The following RTN1 variants were observed in gnomAD, a reference collection of about 807,000 sequenced individuals.
RTN1 encodes reticulon-1.
In RTN1, 25 loss-of-function variants were observed where a neutral mutation model predicts 65.5. The observed-to-expected ratio is 0.38, with a 90% CI of 0.28 to 0.53. The LOEUF is 0.53. RTN1 is among the 20% of genes least tolerant of loss of function. The probability of loss-of-function intolerance (pLI) is 0.79; values close to 1 mark genes in which losing one functional copy is unlikely to be tolerated. For synonymous variants in RTN1, 471 were observed against 447.6 expected, an observed-to-expected ratio of 1.05 and a Z score of -0.66; for missense variants, 983 against 1,025.4, an observed-to-expected ratio of 0.96 and a Z score of 0.57.
chr14:59,706,738 C>T (rs979394353), intron 3 of RTN1, among the ~76,000 whole-genome samples: 2 of 152,136 alleles, frequency 1.3e-5, no homozygotes, highest in East Asian at 3.8e-4. Context: ...TAGTAATCTC[C>T]GTGATGCTCA....
chr14:59,679,310 C>G (rs1883695645), intron 3 of RTN1, among the ~76,000 whole-genome samples: 2 of 152,308 alleles, frequency 1.3e-5, no homozygotes, highest in South Asian at 4.1e-4. Context: ...ATTAAACAAA[C>G]AGAGCCACCA....
At chr14:59,827,455 T>A (rs116429836) in intron 1 of RTN1, among the ~76,000 whole-genome samples, 1,841 of 152,268 alleles carry the variant, frequency 0.012, 34 homozygotes, top group African/African-American at 0.041. Context: ...TCCTGTTGGC[T>A]GCCATAACAA....
At position 59,845,682 on chromosome 14, in the gene RTN1, T is replaced by C. The variant is rs78734077; in HGVS notation, c.241+24708A>G. On this transcript the variant is annotated intron_variant, in intron 1 of 8. Transcript: ENST00000267484. ...CTATGGCCTGTTCACCAACCCATTC[T>C]CAGCTACCCCTTCCCCAGGAAAATC... Among the ~76,000 whole-genome samples the C allele has an allele frequency of 3.6e-3, 546 of 152,328 alleles. 20 individuals carry two copies. The East Asian group carries it at 0.062, about 17-fold the overall frequency.
intron 1 of RTN1, among the ~76,000 whole-genome samples, chr14:59,787,474 G>A (rs1442504765): frequency 6.6e-6 from 1 of 152,154 alleles, no homozygotes; most frequent in African/African-American, 2.4e-5. Context: ...CTCCCCCTTG[G>A]TCAGCACTTG....
intron 3 of RTN1, among the ~76,000 whole-genome samples, chr14:59,649,701 T>C (rs940055484): frequency 3.9e-5 from 6 of 152,232 alleles, no homozygotes; most frequent in African/African-American, 1.2e-4. Context: ...CACAGTGAGA[T>C]ACCATCTCAT....
chr14:59,785,409 A>T (rs1234965823), intron 1 of RTN1, among the ~76,000 whole-genome samples: 2 of 152,246 alleles, frequency 1.3e-5, no homozygotes, highest in African/African-American at 4.8e-5. Flanking sequence ...TAAAACTCAT[A>T]AGAAAAATTA....
intron 1 of RTN1, among the ~76,000 whole-genome samples, chr14:59,755,362 T>A (rs566380902): frequency 3.9e-4 from 60 of 152,218 alleles, no homozygotes; most frequent in Admixed American, 1.0e-3. Context: ...AATTTTTTTT[T>A]AAAAAGTGTG....
At chr14:59,676,618 T>C (rs566214300) in intron 3 of RTN1, among the ~76,000 whole-genome samples, 6 of 152,110 alleles carry the variant, frequency 3.9e-5, no homozygotes, top group Admixed American at 3.3e-4. Flanking sequence ...CAGGACAACA[T>C]GAAAGGTGGA....
chr14:59,844,066 A>T (rs552928071), intron 1 of RTN1, among the ~76,000 whole-genome samples: 67 of 152,322 alleles, frequency 4.4e-4, no homozygotes, highest in African/African-American at 1.6e-3. Flanking sequence ...GTGAGAATAC[A>T]GGCTGGTTTA....
In RTN1 at chr14:59,746,038, T is replaced by A; in HGVS notation, c.685A>T (p.Ile229Phe). Residue 229 changes from isoleucine (I) to phenylalanine (F), a missense_variant, in exon 2 of 9, where the codon ATC (isoleucine) becomes TTC (phenylalanine). By Grantham distance (21) the Ile-to-Phe change is conservative (BLOSUM62 0). Around this residue, in one of 2 missense-constraint regions of RTN1, gnomAD observed 818 missense variants for 801.8 expected, o/e 1.02. Coordinates refer to ENST00000267484, the MANE Select transcript of RTN1 (RefSeq NM_021136.3). ...DLDFKNKDTD[I>F]SIKPEGVREP... is the part of the protein sequence containing the mutation. Reference sequence around the variant, plus strand: ...CGGACTCCTTCAGGTTTAATTGAGATGTCAGTGTCTTTATTCTTAAAGTCC... The same window carrying A: ...CGGACTCCTTCAGGTTTAATTGAGAAGTCAGTGTCTTTATTCTTAAAGTCC... 1 of 1,614,170 alleles carries A rather than the reference T, an allele frequency of 6.2e-7. No individual in the cohort carries two copies. The highest frequency in any genetic ancestry group is 1.3e-5 in the African/African-American group (1 of 75,026).
chr14:59,629,772 G>T (rs1412520085), intron 3 of RTN1, among the ~76,000 whole-genome samples: 4 of 152,120 alleles, frequency 2.6e-5, no homozygotes, highest in Non-Finnish European at 5.9e-5. Flanking sequence ...GTTATACCAA[G>T]GGCCACGGGC....
At chr14:59,702,917 T>A (rs1009200648) in intron 3 of RTN1, among the ~76,000 whole-genome samples, 4 of 152,308 alleles carry the variant, frequency 2.6e-5, no homozygotes, top group Non-Finnish European at 5.9e-5. Flanking sequence ...CTGGCTTCCT[T>A]GCGGTTCTGT....
chr14:59,811,832 G>A (rs985842476), intron 1 of RTN1, among the ~76,000 whole-genome samples: 8 of 152,164 alleles, frequency 5.3e-5, no homozygotes, highest in African/African-American at 1.9e-4. Flanking sequence ...AACTGAAGCA[G>A]CGGTTCTCAA....
chr14:59,605,599 ACTCT>A, intron 4 of RTN1, 93 bp from the exon 5 acceptor site: 1 of 1,357,544 alleles, frequency 7.4e-7, no homozygotes, highest in Non-Finnish European at 1.0e-6. Context: ...TCCTACTCTC[ACTCT>A]GAGGGTGAGA....
At chr14:59,696,843 C>T (rs1884073944) in intron 3 of RTN1, among the ~76,000 whole-genome samples, 1 of 152,078 alleles carries the variant, frequency 6.6e-6, no homozygotes. Flanking sequence ...TCCCTAAACT[C>T]CAAATTTAAG....
At chr14:59,775,460 T>C (rs918032921) in intron 1 of RTN1, among the ~76,000 whole-genome samples, 10 of 152,176 alleles carry the variant, frequency 6.6e-5, no homozygotes, top group African/African-American at 2.2e-4. Flanking sequence ...TGCCTCTTTA[T>C]TGGAAGCTTT....
rs1352316482 is a variant in RTN1, at chr14:59,727,720, C to G, written c.1016-52G>C. On this transcript the variant is annotated intron_variant, in intron 2 of 8. Coordinates refer to ENST00000267484, the MANE Select transcript of RTN1 (RefSeq NM_021136.3). The surrounding 1 kb of genome is among the most constrained non-coding windows in gnomAD (Gnocchi z 4.2). ...CCACGGAGGCACACACACGGACAGACAGATGGACAGAGAGAGGAGGGATAA... is the reference window on the plus strand; with the variant it reads ...CCACGGAGGCACACACACGGACAGAGAGATGGACAGAGAGAGGAGGGATAA... The G allele has an allele frequency of 1.3e-6, 2 of 1,516,110 alleles. No individual in the cohort carries two copies. The highest frequency in any genetic ancestry group is 2.2e-5 in the Admixed American group (1 of 45,676). The allele number at this position is 1,516,110 out of a possible 1,614,324, so 93.9% of individuals were successfully genotyped here. A position where few individuals can be genotyped will look rare whatever the true frequency, so the allele number is the denominator to read the frequency against.
At chr14:59,750,143 T>C (rs1231794618) in intron 1 of RTN1, among the ~76,000 whole-genome samples, 4 of 63,222 alleles carry the variant, frequency 6.3e-5, no homozygotes, top group South Asian at 4.2e-4. Context: ...ATATATAATA[T>C]ATATATTATA....
intron 2 of RTN1, among the ~76,000 whole-genome samples, chr14:59,735,940 C>T (rs1884993123): frequency 6.6e-6 from 1 of 152,112 alleles, no homozygotes; most frequent in South Asian, 2.1e-4. Flanking sequence ...TCCTGAATCT[C>T]TTGGGTAAAT....
Sources: gnomAD v4.1 joint callset for allele counts (sites outside exome capture counted in the v4.1 genomes callset) on GRCh38, gnomAD v4.1.1 for gene constraint, gnomAD v4.1.1 regional missense constraint, Gnocchi (gnomAD v3.1) non-coding constraint, MANE v1.5 for transcripts, NCBI Gene and HGNC (gene_info 2026-07-23, HGNC 2026-07-21) for gene names.